Variants in NRG3 observed in about 807,000 individuals in gnomAD.
NRG3 encodes the protein neuregulin 3.
Under a neutral mutation model 66.9 loss-of-function variants are expected in NRG3, and 31 were observed. The observed-to-expected ratio is 0.46, with a 90% confidence interval of 0.35 to 0.63. The LOEUF is 0.63. Ranked by LOEUF, NRG3 falls within the 20% of genes least tolerant of loss-of-function variation. The pLI is 0.00. For missense variants in NRG3, 910 were observed against 878.9 expected, an observed-to-expected ratio of 1.04 and a Z score of -0.45; for synonymous variants, 393 against 359.4, an observed-to-expected ratio of 1.09 and a Z score of -1.06.
chr10:82,202,011 A>C (rs2074853058), intron 1 of NRG3, among the ~76,000 whole-genome samples: 1 of 152,224 alleles, frequency 6.6e-6, no homozygotes, highest in African/African-American at 2.4e-5. Flanking sequence ...GGAAAGGAAG[A>C]GGAAGAAACA....
intron 1 of NRG3, among the ~76,000 whole-genome samples, chr10:82,140,673 A>G (rs929993856): frequency 5.3e-5 from 8 of 152,086 alleles, no homozygotes; most frequent in Non-Finnish European, 1.2e-4. Flanking sequence ...TGAAGACTGC[A>G]GTGAACTCTG....
At chr10:82,175,299 C>G (rs1271535204) in intron 1 of NRG3, among the ~76,000 whole-genome samples, 1 of 152,122 alleles carries the variant, frequency 6.6e-6, no homozygotes. Context: ...GAAAGACAAA[C>G]CTGATCTTGT....
chr10:82,898,614 G>C (rs1843889387), intron 4 of NRG3, among the ~76,000 whole-genome samples: 1 of 152,170 alleles, frequency 6.6e-6, no homozygotes, highest in South Asian at 2.1e-4. Flanking sequence ...AGAGTGAGAA[G>C]GGAAAGGGAG....
At chr10:82,620,453 T>A (rs772281035) in intron 2 of NRG3, among the ~76,000 whole-genome samples, 13 of 152,110 alleles carry the variant, frequency 8.5e-5, no homozygotes, top group Non-Finnish European at 1.6e-4. Context: ...CCCTGAAGTC[T>A]GGCCCTCTCC....
chr10:82,446,151 A>C (rs1395053840), intron 2 of NRG3, among the ~76,000 whole-genome samples: 1 of 152,192 alleles, frequency 6.6e-6, no homozygotes, highest in Non-Finnish European at 1.5e-5. Context: ...TCAGGCTGAT[A>C]AGGTCACTTC....
At chr10:82,512,992 G>A (rs1180305660) in intron 2 of NRG3, among the ~76,000 whole-genome samples, 1 of 151,946 alleles carries the variant, frequency 6.6e-6, no homozygotes, top group Non-Finnish European at 1.5e-5. Flanking sequence ...TGTGCAGGAC[G>A]TGCAGGTTTG....
chr10:81,915,390 G>C (rs1376833417), intron 1 of NRG3, among the ~76,000 whole-genome samples: 1 of 152,004 alleles, frequency 6.6e-6, no homozygotes, highest in Non-Finnish European at 1.5e-5. Flanking sequence ...AAAAATACAG[G>C]GTTTTCCTGA....
At chr10:82,860,650 C>A (rs2064074726) in intron 3 of NRG3, among the ~76,000 whole-genome samples, 1 of 152,162 alleles carries the variant, frequency 6.6e-6, no homozygotes, top group Non-Finnish European at 1.5e-5. Flanking sequence ...TTACCCACTA[C>A]TGTATAATCC....
At position 82,962,712 on chromosome 10, in the gene NRG3, G is replaced by T. The variant is rs1014788724; in HGVS notation, c.1284+3637G>T. On this transcript the variant is annotated intron_variant, in intron 6 of 8. Transcript: ENST00000372141. ...AAATTAGCCAGGCGTGGTGGTGGGT[G>T]CCTGTAATTCCAGCTACTCGGGAGG... Among the ~76,000 whole-genome samples the T allele has an allele frequency of 3.9e-5, 6 of 152,054 alleles. No homozygotes were observed. The South Asian group carries it at 8.3e-4, about 21-fold the overall frequency.
chr10:82,208,836 A>G (rs1699631625), intron 1 of NRG3, among the ~76,000 whole-genome samples: 2 of 152,174 alleles, frequency 1.3e-5, no homozygotes, highest in Non-Finnish European at 2.9e-5. Context: ...TTGGTGTAAT[A>G]TAAAGTTATC....
intron 1 of NRG3, among the ~76,000 whole-genome samples, chr10:82,334,693 A>G (rs1182486668): frequency 6.6e-6 from 1 of 152,212 alleles, no homozygotes; most frequent in Non-Finnish European, 1.5e-5. Context: ...AATATCACTG[A>G]TAGGTGAGTG....
chr10:82,120,208 G>T (rs1423520540), intron 1 of NRG3, among the ~76,000 whole-genome samples: 1 of 152,044 alleles, frequency 6.6e-6, no homozygotes, highest in African/African-American at 2.4e-5. Context: ...CTCCCAGAAA[G>T]TGACCCAGTA....
intron 1 of NRG3, among the ~76,000 whole-genome samples, chr10:82,272,401 A>G (rs892008856): frequency 6.6e-6 from 1 of 151,938 alleles, no homozygotes; most frequent in African/African-American, 2.4e-5. Flanking sequence ...TCACCTAGGG[A>G]GTTTGGAATT....
At chr10:82,533,379 A>T (rs1163094862) in intron 2 of NRG3, among the ~76,000 whole-genome samples, 2 of 152,066 alleles carry the variant, frequency 1.3e-5, no homozygotes, top group African/African-American at 4.8e-5. Flanking sequence ...CAATGTCATG[A>T]AGTATTTCCC....
At chr10:82,554,042 C>T (rs1428098556) in intron 2 of NRG3, among the ~76,000 whole-genome samples, 4 of 152,106 alleles carry the variant, frequency 2.6e-5, no homozygotes, top group East Asian at 1.9e-4. Context: ...CATTATTACA[C>T]GGCATACTGT....
chr10:82,227,580 G>A (rs1471639459), intron 1 of NRG3, among the ~76,000 whole-genome samples: 2 of 152,076 alleles, frequency 1.3e-5, no homozygotes, highest in Non-Finnish European at 2.9e-5. Context: ...GATTCCATCT[G>A]AATATTGCTT....
intron 2 of NRG3, among the ~76,000 whole-genome samples, chr10:82,369,973 T>C (rs1431830640): frequency 7.2e-6 from 1 of 138,236 alleles, no homozygotes; most frequent in Non-Finnish European, 1.5e-5. Context: ...AGGGGAAGCA[T>C]GCAGAAGGGC....
chr10:82,211,870 CT>C (rs1315694390), intron 1 of NRG3, among the ~76,000 whole-genome samples: 1 of 152,138 alleles, frequency 6.6e-6, no homozygotes, highest in African/African-American at 2.4e-5. Flanking sequence ...TAACACACCC[CT>C]ATACTAGAAA....
chr10:82,640,583 A>C (rs912710333), intron 2 of NRG3, among the ~76,000 whole-genome samples: 2 of 152,208 alleles, frequency 1.3e-5, no homozygotes, highest in Non-Finnish European at 2.9e-5. Context: ...GGAATATAGC[A>C]AGGACACCTC....
Sources: gnomAD v4.1 joint callset for allele counts (sites outside exome capture counted in the v4.1 genomes callset) on GRCh38, gnomAD v4.1.1 for gene constraint, MANE v1.5 for transcripts, NCBI Gene and HGNC (gene_info 2026-07-23, HGNC 2026-07-21) for gene names.